MLLT3: variants seen among roughly 807,000 people sequenced by gnomAD.
The protein encoded by MLLT3 is protein AF-9.
In MLLT3, 4 loss-of-function variants were observed where a neutral mutation model predicts 53.2. That is an observed-to-expected ratio of 0.08 (90% CI 0.04 to 0.17). The LOEUF (loss-of-function observed/expected upper bound fraction) is 0.17, where lower values mean the gene tolerates loss of function less well. MLLT3 is among the 10% of genes least tolerant of loss of function. The probability of loss-of-function intolerance (pLI) is 1.00; values close to 1 mark genes in which losing one functional copy is unlikely to be tolerated. For missense variants in MLLT3, 569 were observed against 684.0 expected, an observed-to-expected ratio of 0.83 and a Z score of 1.87; for synonymous variants, 283 against 230.6, an observed-to-expected ratio of 1.23 and a Z score of -2.06.
At chr9:20,479,044 C>T (rs1824597503) in intron 2 of MLLT3, among the ~76,000 whole-genome samples, 2 of 152,250 alleles carry the variant, frequency 1.3e-5, no homozygotes, top group South Asian at 4.1e-4. Flanking sequence ...TTGGTCTGCC[C>T]TCATCTGGCA....
At chr9:20,485,145 C>T (rs10811351) in intron 2 of MLLT3, among the ~76,000 whole-genome samples, 111,065 of 151,792 alleles carry the variant, frequency 0.73, 40,774 homozygotes, top group Middle Eastern at 0.86. Flanking sequence ...CCCACCACCA[C>T]GCCCAGCTAA....
rs1217448203 is a variant in MLLT3, at chr9:20,621,125, G to A, written c.13-291C>T. Among the ~76,000 whole-genome samples, 1 of 152,222 alleles carries A rather than the reference G, an allele frequency of 6.6e-6. No individual in the cohort carries two copies. Among genetic ancestry groups the A allele is most frequent in the Non-Finnish European group, 1.5e-5 (1 of 68,038 alleles). On this transcript the variant is annotated intron_variant, in intron 1 of 10. Transcript: ENST00000380338. This position sits in a 1 kb window ranked among gnomAD's most constrained non-coding sequence, Gnocchi z 7.0. ...GGAAGGGGGTCGGGGAAAAGAGGGA[G>A]AACACACTCAGCCACGACAAGCACG...
chr9:20,408,921 A>T (rs1335794747), intron 5 of MLLT3, among the ~76,000 whole-genome samples: 4 of 151,998 alleles, frequency 2.6e-5, no homozygotes, highest in Non-Finnish European at 5.9e-5. Flanking sequence ...AAGGTGATTT[A>T]AAGCATTTAT....
At chr9:20,365,836 T>C in intron 5 of MLLT3, 92 bp from the exon 6 acceptor site, 1 of 1,289,890 alleles carries the variant, frequency 7.8e-7, no homozygotes, top group Non-Finnish European at 1.1e-6. Flanking sequence ...AACCATCCTC[T>C]GCAAAAACCG....
rs1480360363 is a variant in MLLT3 at position 20,344,416 on chromosome 9, T to C, written c.*2027A>G. The C allele has an allele frequency of 4.7e-6, 1 of 214,174 alleles. No individual in the cohort carries two copies. The highest frequency in any genetic ancestry group is 9.4e-6 in the Non-Finnish European group (1 of 105,920). The allele number at this position is 214,174 out of a possible 1,614,324, so 13.3% of individuals were successfully genotyped here. On this transcript the variant is annotated 3_prime_UTR_variant, in exon 11 of 11. Transcript: ENST00000380338. ...TTTAAAAATTTGCAACATTTCCATA[T>C]AAACATTACCCTCCCCTTCCAGCTA...
At chr9:20,499,295 G>A (rs1399548592) in intron 2 of MLLT3, among the ~76,000 whole-genome samples, 2 of 152,156 alleles carry the variant, frequency 1.3e-5, no homozygotes, top group Non-Finnish European at 2.9e-5. Context: ...GGTACCTGGG[G>A]TTAGGATTCA....
rs1354283398 is a variant in MLLT3, at chr9:20,574,594, A to T, written c.193+46060T>A. On this transcript the variant is annotated intron_variant, in intron 2 of 10. Transcript: ENST00000380338. ...TAATTTTAAAAATGCTTTATTGCTTAAAAAAATGCTAATGATCATCTGGGT... is the reference window on the plus strand; with the variant it reads ...TAATTTTAAAAATGCTTTATTGCTTTAAAAAATGCTAATGATCATCTGGGT... 2.0e-5 allele frequency among the ~76,000 whole-genome samples: 3 copies of T among 152,178 alleles called. No individual in the cohort carries two copies. The East Asian group carries it at 5.8e-4, about 29-fold the overall frequency.
chr9:20,428,818 G>C lies in MLLT3; in HGVS notation c.421-14393C>G, dbSNP rs187872913. ...GAAAAAAATAAGAAAACATCTACAA[G>C]TATAGCACAGATAAAACAGATAAGA... is the stretch of plus-strand genomic sequence containing the variant. On this transcript the variant is annotated intron_variant, in intron 4 of 10. Transcript: ENST00000380338. Among the ~76,000 whole-genome samples, 229 of 152,116 alleles carry C rather than the reference G, an allele frequency of 1.5e-3. 2 individuals are homozygous for C. Among genetic ancestry groups the C allele is most frequent in the Middle Eastern group, 0.014 (4 of 294 alleles).
At chr9:20,501,896 T>TA (rs1255159289) in intron 2 of MLLT3, among the ~76,000 whole-genome samples, 3 of 145,952 alleles carry the variant, frequency 2.1e-5, no homozygotes, top group African/African-American at 7.7e-5. Context: ...GCCTGGCCAA[T>TA]ATGGTGAAAC....
intron 9 of MLLT3, among the ~76,000 whole-genome samples, chr9:20,353,820 G>C (rs1821096700): frequency 6.6e-6 from 1 of 152,226 alleles, no homozygotes; most frequent in East Asian, 1.9e-4. Context: ...GGGAGTTGGA[G>C]TGAATTCTTG....
At chr9:20,516,118 C>T (rs1817910170) in intron 2 of MLLT3, among the ~76,000 whole-genome samples, 1 of 152,150 alleles carries the variant, frequency 6.6e-6, no homozygotes, top group South Asian at 2.1e-4. Flanking sequence ...TGACTATGAA[C>T]ACCAGCACTG....
At chr9:20,431,523 T>C (rs1284543936) in intron 4 of MLLT3, among the ~76,000 whole-genome samples, 1 of 152,156 alleles carries the variant, frequency 6.6e-6, no homozygotes, top group African/African-American at 2.4e-5. Context: ...TAGTAAAGGT[T>C]AAGCATGGTT....
chr9:20,549,319 C>G (rs1309915748), intron 2 of MLLT3, among the ~76,000 whole-genome samples: 3 of 152,152 alleles, frequency 2.0e-5, no homozygotes, highest in African/African-American at 7.2e-5. Flanking sequence ...GCTTTGCTTT[C>G]TCTACAAAGA....
intron 2 of MLLT3, among the ~76,000 whole-genome samples, chr9:20,594,845 T>C (rs1469621884): frequency 6.6e-6 from 1 of 152,148 alleles, no homozygotes; most frequent in Non-Finnish European, 1.5e-5. Flanking sequence ...AGTTCCCCTG[T>C]ATGGTCCAAA....
chr9:20,555,306 T>A (rs932748540), intron 2 of MLLT3, among the ~76,000 whole-genome samples: 2 of 152,148 alleles, frequency 1.3e-5, no homozygotes, highest in Non-Finnish European at 2.9e-5. Context: ...CCTAAATTTT[T>A]AGAGCTGAAA....
At chr9:20,622,099 G>A in intron 1 of MLLT3, 146 bp downstream of exon 1, 1 of 971,372 alleles carries the variant, frequency 1.0e-6, no homozygotes, top group Non-Finnish European at 1.5e-6. Context: ...AGCGGAGGCT[G>A]AGGGAGAGGC....
intron 2 of MLLT3, among the ~76,000 whole-genome samples, chr9:20,577,318 C>T (rs1009285479): frequency 3.9e-5 from 6 of 152,136 alleles, no homozygotes; most frequent in African/African-American, 1.4e-4. Flanking sequence ...GATATATTCA[C>T]GTGGAGTTAG....
chr9:20,555,446 C>T (rs1345655663), intron 2 of MLLT3, among the ~76,000 whole-genome samples: 1 of 152,130 alleles, frequency 6.6e-6, no homozygotes, highest in African/African-American at 2.4e-5. Flanking sequence ...CAGACCCAGG[C>T]TGCAACTGAG....
intron 4 of MLLT3, among the ~76,000 whole-genome samples, chr9:20,436,683 T>C (rs1823414199): frequency 6.6e-6 from 1 of 152,198 alleles, no homozygotes; most frequent in South Asian, 2.1e-4. Flanking sequence ...CTGACTCAGC[T>C]ATCTCTTGCT....
Sources: gnomAD v4.1 joint callset for allele counts (sites outside exome capture counted in the v4.1 genomes callset) on GRCh38, gnomAD v4.1.1 for gene constraint, Gnocchi (gnomAD v3.1) non-coding constraint, MANE v1.5 for transcripts, NCBI Gene and HGNC (gene_info 2026-07-23, HGNC 2026-07-21) for gene names.